The following SOX5 variants were observed in gnomAD, a reference collection of about 807,000 sequenced individuals.
SOX5 encodes the protein SRY-box transcription factor 5, also known as transcription factor SOX-5.
A neutral mutation model predicts 92.0 loss-of-function variants in SOX5; 9 were observed. That is an observed-to-expected ratio of 0.10 (90% CI 0.06 to 0.17). The LOEUF is 0.17. SOX5 is among the 10% of genes least tolerant of loss of function. The probability of loss-of-function intolerance (pLI) is 1.00; values close to 1 mark genes in which losing one functional copy is unlikely to be tolerated. For synonymous variants in SOX5, 344 were observed against 336.3 expected, an observed-to-expected ratio of 1.02 and a Z score of -0.25; for missense variants, 642 against 944.5, an observed-to-expected ratio of 0.68 and a Z score of 4.20.
chr12:24,068,726 A>G (rs866620715), intron 4 of SOX5, among the ~76,000 whole-genome samples: 211 of 92,178 alleles, frequency 2.3e-3, no homozygotes, highest in East Asian at 2.5e-3. Flanking sequence ...ATATATATAT[A>G]TATATATATA....
In SOX5 at chr12:23,665,312, CTG is replaced by C. The variant is rs2083617782; in HGVS notation, c.931+130_931+131del. 7 of 964,830 alleles carry C rather than the reference CTG, an allele frequency of 7.3e-6. No individual in the cohort carries two copies. In the East Asian group the frequency reaches 1.7e-4, roughly 23 times the overall value. 59.8% of individuals were successfully genotyped at this position (964,830 alleles called of 1,614,324 possible). ...GTACTAACACACTTCTCCACACATT[CTG>C]TGTGTTTCCTCTTTAAAATAAAAAT... On this transcript the variant is annotated intron_variant, in intron 7 of 14. Transcript: ENST00000451604.
chr12:24,324,680 C>T (rs1291261718), intron 2 of SOX5, among the ~76,000 whole-genome samples: 2 of 152,116 alleles, frequency 1.3e-5, no homozygotes, highest in Non-Finnish European at 2.9e-5. Context: ...TTTCTACATT[C>T]AGTAGCTCTG....
intron 1 of SOX5, among the ~76,000 whole-genome samples, chr12:23,906,862 C>G (rs181318084): frequency 6.6e-6 from 1 of 151,274 alleles, no homozygotes; most frequent in Non-Finnish European, 1.5e-5. Flanking sequence ...TATTAAAAAT[C>G]AGAAGCCTTT....
chr12:23,763,221 T>C (rs1452931928), intron 3 of SOX5, among the ~76,000 whole-genome samples: 2 of 152,214 alleles, frequency 1.3e-5, no homozygotes, highest in African/African-American at 4.8e-5. Context: ...CTGCACTTAC[T>C]TCATATGCTT....
intron 3 of SOX5, among the ~76,000 whole-genome samples, chr12:24,255,575 G>C (rs1023866499): frequency 1.3e-5 from 2 of 152,174 alleles, no homozygotes; most frequent in African/African-American, 4.8e-5. Context: ...GGGATGGAGA[G>C]TAAAGTGGAA....
chr12:24,528,922 T>C (rs79054120), intron 1 of SOX5, among the ~76,000 whole-genome samples: 4,583 of 152,360 alleles, frequency 0.03, 134 homozygotes, highest in Admixed American at 0.099. Flanking sequence ...CTGGCATTGG[T>C]ATGCTACTTT....
intron 6 of SOX5, among the ~76,000 whole-genome samples, chr12:23,699,703 A>G (rs539309643): frequency 6.6e-6 from 1 of 152,238 alleles, no homozygotes; most frequent in Admixed American, 6.5e-5. Flanking sequence ...TTTTGAGTAT[A>G]TGTTTCCTTA....
At chr12:24,520,349 G>A (rs1250083911) in intron 1 of SOX5, among the ~76,000 whole-genome samples, 4 of 151,942 alleles carry the variant, frequency 2.6e-5, no homozygotes, top group African/African-American at 9.7e-5. Flanking sequence ...TTTGTTAGAG[G>A]AGGAGAGAGT....
At chr12:24,372,229 C>T (rs1263555069) in intron 1 of SOX5, among the ~76,000 whole-genome samples, 1 of 152,104 alleles carries the variant, frequency 6.6e-6, no homozygotes, top group Non-Finnish European at 1.5e-5. Flanking sequence ...TGGTTTCCTG[C>T]ACTCATCAAC....
intron 4 of SOX5, among the ~76,000 whole-genome samples, chr12:24,178,022 C>T (rs1955019980): frequency 6.6e-6 from 1 of 152,170 alleles, no homozygotes; most frequent in African/African-American, 2.4e-5. Context: ...CTACCACTCT[C>T]CAGGGCAGTC....
At chr12:24,244,064 A>AG (rs1938092550) in intron 3 of SOX5, among the ~76,000 whole-genome samples, 1 of 146,788 alleles carries the variant, frequency 6.8e-6, no homozygotes, top group Non-Finnish European at 1.5e-5. Context: ...AAAAAAAAAA[A>AG]AAGAAAAGGT....
chr12:24,019,569 A>G (rs1415792971), intron 4 of SOX5, among the ~76,000 whole-genome samples: 4 of 152,184 alleles, frequency 2.6e-5, no homozygotes, highest in African/African-American at 9.6e-5. Context: ...AGCTATGTTT[A>G]TTTCACACTG....
intron 4 of SOX5, among the ~76,000 whole-genome samples, chr12:23,971,358 G>T (rs931704544): frequency 2.6e-5 from 4 of 151,354 alleles, no homozygotes; most frequent in Admixed American, 6.6e-5. Context: ...TCCTGACCTG[G>T]TGATCCACCT....
chr12:24,429,030 T>C (rs191038802), intron 1 of SOX5, among the ~76,000 whole-genome samples: 1 of 152,172 alleles, frequency 6.6e-6, no homozygotes, highest in East Asian at 1.9e-4. Context: ...GGTGTTGGAA[T>C]AGTATGGCCG....
At chr12:23,984,585 G>T (rs1569399505) in intron 4 of SOX5, among the ~76,000 whole-genome samples, 1 of 152,148 alleles carries the variant, frequency 6.6e-6, no homozygotes, top group Non-Finnish European at 1.5e-5. Flanking sequence ...TAGTGAAGTA[G>T]TGAAGAGAGA....
chr12:24,201,617 G>A (rs1957527076), intron 4 of SOX5, among the ~76,000 whole-genome samples: 1 of 152,184 alleles, frequency 6.6e-6, no homozygotes, highest in South Asian at 2.1e-4. Flanking sequence ...AAAACAAGCT[G>A]GTGTTGCACA....
intron 1 of SOX5, among the ~76,000 whole-genome samples, chr12:23,939,133 T>C (rs2139468364): frequency 6.6e-6 from 1 of 151,196 alleles, no homozygotes; most frequent in South Asian, 2.1e-4. Flanking sequence ...GACGCATGGC[T>C]GAAACCCAAA....
chr12:24,405,631 T>C (rs976488001), intron 1 of SOX5, among the ~76,000 whole-genome samples: 3 of 152,126 alleles, frequency 2.0e-5, no homozygotes, highest in African/African-American at 7.2e-5. Flanking sequence ...AAGATAGAAG[T>C]GGCTAGTTTC....
chr12:23,864,282 C>T (rs1034022376), intron 2 of SOX5, among the ~76,000 whole-genome samples: 3 of 152,010 alleles, frequency 2.0e-5, no homozygotes, highest in Admixed American at 2.0e-4. Flanking sequence ...TCTACTCGGG[C>T]GTCCCTATTA....
Sources: gnomAD v4.1 joint callset for allele counts (sites outside exome capture counted in the v4.1 genomes callset) on GRCh38, gnomAD v4.1.1 for gene constraint, MANE v1.5 for transcripts, NCBI Gene and HGNC (gene_info 2026-07-23, HGNC 2026-07-21) for gene names.